Variants in KATNAL2 observed in about 807,000 individuals in gnomAD.
KATNAL2 encodes katanin p60 ATPase-containing subunit A-like 2.
Under a neutral mutation model 76.3 loss-of-function variants are expected in KATNAL2, and 52 were observed. The observed-to-expected ratio is 0.68, with a 90% CI of 0.55 to 0.86. The LOEUF is 0.86. Ranked by LOEUF, KATNAL2 falls within the 40% of genes least tolerant of loss-of-function variation. KATNAL2 has a pLI of 0.00. For synonymous variants in KATNAL2, 243 were observed against 244.2 expected, an observed-to-expected ratio of 1.00 and a Z score of 0.05; for missense variants, 660 against 668.9, an observed-to-expected ratio of 0.99 and a Z score of 0.15.
intron 3 of KATNAL2, chr18:47,035,287 C>T (rs1569057619): frequency 1.9e-6 from 3 of 1,612,148 alleles, no homozygotes; most frequent in South Asian, 1.1e-5. Context: ...GTGCAGGCGT[C>T]GCTGTCCCGG....
chr18:47,054,939 A>C (rs6507719), intron 6 of KATNAL2, among the ~76,000 whole-genome samples: 1 of 152,122 alleles, frequency 6.6e-6, no homozygotes, highest in Admixed American at 6.5e-5. Flanking sequence ...AGTCCTGACC[A>C]GTGGGGACCC....
chr18:47,090,083 C>T (rs1429047948), intron 15 of KATNAL2, among the ~76,000 whole-genome samples: 1 of 152,082 alleles, frequency 6.6e-6, no homozygotes, highest in Admixed American at 6.5e-5. Context: ...CAGGCGTAAG[C>T]CACCATGCCC....
At chr18:46,937,571 TAC>T (rs2059130350) in intron 1 of KATNAL2, among the ~76,000 whole-genome samples, 1 of 152,144 alleles carries the variant, frequency 6.6e-6, no homozygotes. Flanking sequence ...GCTGCATATA[TAC>T]ATGCTTCTAA....
intron 1 of KATNAL2, among the ~76,000 whole-genome samples, chr18:46,938,087 G>C (rs2059144134): frequency 6.6e-6 from 1 of 151,610 alleles, no homozygotes; most frequent in African/African-American, 2.4e-5. Flanking sequence ...GCAAGACTCT[G>C]TCTCAAAAAA....
rs188690145 is a variant in KATNAL2, at chr18:46,933,006, G to A, written c.-509-13051G>A. ...TCAAACTCCTGACCTCAGGTGATCC[G>A]CCCTCCTCGGCCTCCAAAAGTGCTG... On this transcript the variant is annotated intron_variant, in intron 1 of 17. Coordinates refer to ENST00000683218, the MANE Select transcript of KATNAL2 (RefSeq NM_001387690.1). Among the ~76,000 whole-genome samples the A allele has an allele frequency of 4.0e-3, 614 of 152,048 alleles. 2 individuals are homozygous for A. Among genetic ancestry groups the A allele is most frequent in the African/African-American group, 0.012 (510 of 41,494 alleles).
intron 6 of KATNAL2, among the ~76,000 whole-genome samples, chr18:47,057,575 A>G (rs2061507788): frequency 2.0e-5 from 3 of 152,174 alleles, no homozygotes; most frequent in Non-Finnish European, 4.4e-5. Context: ...TCTCCATCAG[A>G]GTTAGCTACT....
chr18:46,936,520 G>T lies in KATNAL2; in HGVS notation c.-509-9537G>T, dbSNP rs184586018. The stretch of plus-strand genomic sequence containing the variant: ...TTCAAGAGGCTCAGGTGGGGGGATC[G>T]ATTGAGCCCATAAGTTTGAGACCAG... On this transcript the variant is annotated intron_variant, in intron 1 of 17. Coordinates refer to ENST00000683218, the MANE Select transcript of KATNAL2 (RefSeq NM_001387690.1). 3.3e-3 allele frequency among the ~76,000 whole-genome samples: 501 copies of T among 152,274 alleles called. 3 individuals carry two copies. Among genetic ancestry groups the T allele is most frequent in the African/African-American group, 0.011 (468 of 41,562 alleles).
At chr18:47,054,477 G>A (rs760579331) in intron 6 of KATNAL2, 39 bp downstream of exon 6, 12 of 1,596,224 alleles carry the variant, frequency 7.5e-6, no homozygotes, top group Middle Eastern at 1.7e-4. Flanking sequence ...GACTCGGCTC[G>A]AGGAGCTTGT....
At chr18:47,045,859 T>C (rs975802030) in intron 3 of KATNAL2, among the ~76,000 whole-genome samples, 5 of 152,248 alleles carry the variant, frequency 3.3e-5, no homozygotes, top group African/African-American at 1.2e-4. Flanking sequence ...ACATTAACAC[T>C]GTGAATAAGT....
intron 3 of KATNAL2, chr18:47,033,502 T>C (rs747459171): frequency 6.2e-7 from 1 of 1,614,154 alleles, no homozygotes; most frequent in Admixed American, 1.7e-5. Context: ...CTGGAAACAA[T>C]GATTCCTCCG....
chr18:47,033,675 G>A (rs1226161840), intron 3 of KATNAL2: 1 of 1,614,208 alleles, frequency 6.2e-7, no homozygotes, highest in South Asian at 1.1e-5. Flanking sequence ...CACACTGCTG[G>A]CGCAGCGTCG....
chr18:46,961,145 G>C (rs1434344655), intron 3 of KATNAL2, among the ~76,000 whole-genome samples: 1 of 152,242 alleles, frequency 6.6e-6, no homozygotes, highest in Non-Finnish European at 1.5e-5. Flanking sequence ...GTCAGGGGTA[G>C]ATTTTTTAAT....
intron 3 of KATNAL2, among the ~76,000 whole-genome samples, chr18:47,036,339 A>G (rs1284460347): frequency 6.6e-6 from 1 of 152,166 alleles, no homozygotes; most frequent in East Asian, 1.9e-4. Flanking sequence ...TAGTTTTCTC[A>G]AAAACTCTGT....
rs1017586759 is a variant in KATNAL2 at position 47,086,471 on chromosome 18, A to G, written c.1211+9010A>G. ...GCTGGGATTACAGACACCCACCACC[A>G]TGCCCAGCTAATTTTTTGTATTTTT... is the stretch of plus-strand genomic sequence containing the variant. On this transcript the variant is annotated intron_variant, in intron 15 of 17. Transcript: ENST00000683218. Among the ~76,000 whole-genome samples, 145 of 152,198 alleles carry G rather than the reference A, an allele frequency of 9.5e-4. 1 individual carries two copies. Among genetic ancestry groups the G allele is most frequent in the African/African-American group, 3.1e-3 (129 of 41,546 alleles).
intron 15 of KATNAL2, chr18:47,098,361 C>A: frequency 4.3e-6 from 1 of 230,274 alleles, no homozygotes; most frequent in Non-Finnish European, 8.8e-6. Context: ...GCAAAAGACA[C>A]TTCTTATATG....
intron 3 of KATNAL2, 73 bp from the exon 4 acceptor site, chr18:47,046,384 C>A (rs2061157427): frequency 9.8e-7 from 1 of 1,021,210 alleles, no homozygotes; most frequent in Admixed American, 2.0e-5. Flanking sequence ...TTACATTTAC[C>A]TTCCAGGGTT....
chr18:46,942,538 T>C (rs1392096045), intron 1 of KATNAL2, among the ~76,000 whole-genome samples: 1 of 152,120 alleles, frequency 6.6e-6, no homozygotes, highest in African/African-American at 2.4e-5. Flanking sequence ...AACTTAAACC[T>C]TGGAGGCGGA....
At chr18:47,025,502 AGTGTGTGTGTGTGT>A (rs139200050) in intron 3 of KATNAL2, among the ~76,000 whole-genome samples, 207 of 144,492 alleles carry the variant, frequency 1.4e-3, no homozygotes, top group African/African-American at 4.1e-3. Context: ...TCTCTCTCTC[AGTGTGTGTGTGTGT>A]GTGTGTGTGT....
chr18:47,054,414 A>G lies in KATNAL2; in HGVS notation c.308A>G (p.Gln103Arg). The G allele has an allele frequency of 7.4e-6, 12 of 1,613,798 alleles. No individual in the cohort carries two copies. The highest frequency in any genetic ancestry group is 1.0e-5 in the Non-Finnish European group (12 of 1,179,682). Reference protein sequence around the residue: ...SSDTAENNLPQRSRGKTRRMM... With the variant: ...SSDTAENNLPRRSRGKTRRMM... ...GTCACAGCAGAAAATAATTTACCGC[A>G]AAGAAGTAGAGGGAAGACCAGAAGG... Residue 103 changes from glutamine to arginine, a missense_variant, in exon 6 of 18, where the codon CAA (glutamine) becomes CGA (arginine). By Grantham distance (43) the Gln-to-Arg change is conservative. Coordinates refer to ENST00000683218, the MANE Select transcript of KATNAL2 (RefSeq NM_001387690.1).
Sources: gnomAD v4.1 joint callset for allele counts (sites outside exome capture counted in the v4.1 genomes callset) on GRCh38, gnomAD v4.1.1 for gene constraint, MANE v1.5 for transcripts, NCBI Gene and HGNC (gene_info 2026-07-23, HGNC 2026-07-21) for gene names.